The following ADAMTS2 variants were observed in gnomAD, a reference collection of about 807,000 sequenced individuals.
The protein encoded by ADAMTS2 is ADAM metallopeptidase with thrombospondin type 1 motif 2, also known as A disintegrin and metalloproteinase with thrombospondin motifs 2.
Under a neutral mutation model 123.0 loss-of-function variants are expected in ADAMTS2, and 50 were observed. The observed-to-expected ratio is 0.41, with a 90% CI of 0.32 to 0.51. The LOEUF is 0.51. ADAMTS2 is among the 20% of genes least tolerant of loss of function. The pLI is 0.35. For missense variants in ADAMTS2, 1,494 were observed against 1,705.2 expected (o/e 0.88, Z 2.18); for synonymous variants, 678 against 695.4 (o/e 0.98, Z 0.39).
chr5:179,234,853 C>A lies in ADAMTS2; in HGVS notation c.689-27138G>T, dbSNP rs1459481604. Reference sequence around the variant, plus strand: ...GCTCGAGTCCTCACCTGAGCTTGCCCCCATTAAAATCCTCTGTACCTCCCT... The same window carrying A: ...GCTCGAGTCCTCACCTGAGCTTGCCACCATTAAAATCCTCTGTACCTCCCT... On this transcript the variant is annotated intron_variant, in intron 3 of 21. Transcript: ENST00000251582. This position sits in a 1 kb window ranked among gnomAD's most constrained non-coding sequence, Gnocchi z 4.7. Among the ~76,000 whole-genome samples the A allele has an allele frequency of 2.6e-5, 4 of 152,156 alleles. No individual in the cohort carries two copies. In the South Asian group the frequency reaches 8.3e-4, roughly 32 times the overall value.
At chr5:179,214,943 C>G (rs463490) in intron 3 of ADAMTS2, among the ~76,000 whole-genome samples, 1 of 151,854 alleles carries the variant, frequency 6.6e-6, no homozygotes, top group Non-Finnish European at 1.5e-5. Context: ...TTATTCTCCG[C>G]CAAATAATCT....
rs560090677 is a variant in ADAMTS2 at position 179,189,578 on chromosome 5, T to C, written c.892-8423A>G. 1.8e-4 allele frequency among the ~76,000 whole-genome samples: 27 copies of C among 146,738 alleles called. No individual in the cohort carries two copies. Among genetic ancestry groups the C allele is most frequent in the Admixed American group, 1.4e-3 (20 of 14,610 alleles). ...TTCACAATGTTAGCCAGGATGGTCT[T>C]GATCTCCTGACTTCATGATCTGCCC... On this transcript the variant is annotated intron_variant, in intron 4 of 21. Transcript: ENST00000251582. This position sits in a 1 kb window ranked among gnomAD's most constrained non-coding sequence, Gnocchi z 4.2.
intron 3 of ADAMTS2, among the ~76,000 whole-genome samples, chr5:179,212,287 GGC>G: frequency 3.9e-5 from 5 of 128,160 alleles, no homozygotes; most frequent in Non-Finnish European, 8.6e-5. Context: ...GCAGTGAGCA[GGC>G]GTGGGCCCTG....
rs1296758033 is a variant in ADAMTS2 at position 179,190,524 on chromosome 5, AG to A, written c.892-9370del. ...AGGACATCCAATTAGAGAGTGCCCAAGGGGGTTCAGCATAATTATTTGCTTG... is the reference window on the plus strand; with the variant it reads ...AGGACATCCAATTAGAGAGTGCCCAAGGGGTTCAGCATAATTATTTGCTTG... On this transcript the variant is annotated intron_variant, in intron 4 of 21. Coordinates refer to ENST00000251582, the MANE Select transcript of ADAMTS2 (RefSeq NM_014244.5). Among the ~76,000 whole-genome samples, 5 of 152,210 alleles carry A rather than the reference AG, an allele frequency of 3.3e-5. No homozygotes were observed. In the South Asian group the frequency reaches 8.3e-4, roughly 25 times the overall value.
At chr5:179,337,399 A>G (rs1699264134) in intron 2 of ADAMTS2, among the ~76,000 whole-genome samples, 1 of 152,150 alleles carries the variant, frequency 6.6e-6, no homozygotes, top group African/African-American at 2.4e-5. Flanking sequence ...GTACACACTC[A>G]TTCAGACGTG....
At chr5:179,263,830 T>A (rs1766294347) in intron 3 of ADAMTS2, among the ~76,000 whole-genome samples, 1 of 152,256 alleles carries the variant, frequency 6.6e-6, no homozygotes, top group African/African-American at 2.4e-5. Context: ...CTGCGCGACC[T>A]TTCCCCGCTC....
At position 179,262,319 on chromosome 5, in the gene ADAMTS2, C is replaced by T. The variant is rs1038578746; in HGVS notation, c.688+10592G>A. On this transcript the variant is annotated intron_variant, in intron 3 of 21. Transcript: ENST00000251582. The surrounding 1 kb of genome is among the most constrained non-coding windows in gnomAD (Gnocchi z 5.9). Reference sequence around the variant, plus strand: ...GTCCTTGATTCCTTCCTTCACACCACGTCCCGGAAGCTCCACCTCAAACTC... The same window carrying T: ...GTCCTTGATTCCTTCCTTCACACCATGTCCCGGAAGCTCCACCTCAAACTC... Among the ~76,000 whole-genome samples the T allele has an allele frequency of 6.6e-6, 1 of 152,078 alleles. No individual in the cohort carries two copies. The highest frequency in any genetic ancestry group is 2.4e-5 in the African/African-American group (1 of 41,388).
At chr5:179,121,848 G>A (rs1409528600) in intron 20 of ADAMTS2, 98 bp from the exon 21 acceptor site, 2 of 785,266 alleles carry the variant, frequency 2.5e-6, no homozygotes, top group East Asian at 2.9e-5. Flanking sequence ...CTGGGGAAGC[G>A]TCATTCAAGG....
chr5:179,114,778 TA>T (rs1373395418), intron 21 of ADAMTS2, among the ~76,000 whole-genome samples: 1 of 152,246 alleles, frequency 6.6e-6, no homozygotes, highest in African/African-American at 2.4e-5. Flanking sequence ...ATAACAAAAT[TA>T]AACCTAAAAG....
intron 13 of ADAMTS2, among the ~76,000 whole-genome samples, chr5:179,135,162 A>AGCCCCCAGCTCCCGG (rs1561772156): frequency 0.014 from 356 of 25,556 alleles, 12 homozygotes; most frequent in African/African-American, 0.036. Flanking sequence ...CCAGCTCCCG[A>AGCCCCCAGCTCCCGG]CTCCAGCTCC....
intron 4 of ADAMTS2, among the ~76,000 whole-genome samples, chr5:179,186,571 C>A (rs1348681579): frequency 6.6e-6 from 1 of 152,226 alleles, no homozygotes; most frequent in African/African-American, 2.4e-5. Context: ...TGGCCAGAGG[C>A]CTGCAGGGCC....
chr5:179,146,181 T>C (rs1763246705), intron 10 of ADAMTS2, among the ~76,000 whole-genome samples: 1 of 152,174 alleles, frequency 6.6e-6, no homozygotes, highest in African/African-American at 2.4e-5. Flanking sequence ...TGAATTTAAA[T>C]ATAGATCTCA....
chr5:179,208,598 G>A (rs1308635037), intron 3 of ADAMTS2, among the ~76,000 whole-genome samples: 2 of 152,088 alleles, frequency 1.3e-5, no homozygotes, highest in Non-Finnish European at 2.9e-5. Flanking sequence ...TGTGTTCTGT[G>A]TCCTGCGGGC....
chr5:179,275,486 G>C (rs972254130), intron 2 of ADAMTS2, among the ~76,000 whole-genome samples: 2 of 152,200 alleles, frequency 1.3e-5, no homozygotes, highest in African/African-American at 4.8e-5. Flanking sequence ...GACTCTGCGG[G>C]TGTGATCAGG....
At chr5:179,289,062 C>T (rs1010275799) in intron 2 of ADAMTS2, among the ~76,000 whole-genome samples, 4 of 152,186 alleles carry the variant, frequency 2.6e-5, no homozygotes, top group East Asian at 1.9e-4. Flanking sequence ...AGGCCTTCCC[C>T]GAGAGCAGGC....
chr5:179,313,895 T>C (rs28510350), intron 2 of ADAMTS2, among the ~76,000 whole-genome samples: 46 of 3,486 alleles, frequency 0.013, 2 homozygotes, highest in African/African-American at 0.022. Flanking sequence ...CACACTCACA[T>C]CGAGACAGAG....
At position 179,148,743 on chromosome 5, in the gene ADAMTS2, T is replaced by G. The variant is rs533976036; in HGVS notation, c.1629+3399A>C. 2.0e-5 allele frequency among the ~76,000 whole-genome samples: 3 copies of G among 152,170 alleles called. No homozygotes were observed. In the East Asian group the frequency reaches 5.8e-4, roughly 29 times the overall value. ...CCCCTTCCTTCCTAGCAAAGGCCCCTCATTCTCATGCCTTGCTAAAACCCT... is the reference window on the plus strand; with the variant it reads ...CCCCTTCCTTCCTAGCAAAGGCCCCGCATTCTCATGCCTTGCTAAAACCCT... On this transcript the variant is annotated intron_variant, in intron 10 of 21. Transcript: ENST00000251582.
intron 4 of ADAMTS2, among the ~76,000 whole-genome samples, chr5:179,199,632 G>T (rs963344066): frequency 6.6e-6 from 1 of 152,144 alleles, no homozygotes; most frequent in Non-Finnish European, 1.5e-5. Context: ...CCTGCTGGGG[G>T]TGCACTCACT....
intron 10 of ADAMTS2, among the ~76,000 whole-genome samples, chr5:179,141,637 T>TC (rs1391608561): frequency 6.6e-6 from 1 of 151,864 alleles, no homozygotes; most frequent in Non-Finnish European, 1.5e-5. Flanking sequence ...GCCACAGCCC[T>TC]CCCCCATTCC....
Sources: allele counts gnomAD v4.1 joint callset (sites outside exome capture counted in the v4.1 genomes callset), GRCh38; gene constraint gnomAD v4.1.1; non-coding constraint Gnocchi (gnomAD v3.1); transcripts MANE v1.5; gene names NCBI Gene and HGNC (gene_info 2026-07-23, HGNC 2026-07-21).